TTC14: variants seen among roughly 807,000 people sequenced by gnomAD.
The protein encoded by TTC14 is tetratricopeptide repeat domain 14, also known as tetratricopeptide repeat protein 14.
TTC14 carries 63 observed loss-of-function variants against 79.9 expected under a neutral mutation model. The observed-to-expected ratio is 0.79, with a 90% CI of 0.64 to 0.97. TTC14 has a LOEUF of 0.97. TTC14 is among the 50% of genes least tolerant of loss of function. The pLI is 0.00. For missense variants in TTC14, 895 were observed against 894.0 expected (o/e 1.00, Z -0.01); for synonymous variants, 335 against 309.6 (o/e 1.08, Z -0.86).
rs1193573279 is a variant in TTC14, at chr3:180,605,027, C to T, written c.857+20C>T. The T allele has an allele frequency of 1.3e-6, 2 of 1,592,782 alleles. No individual in the cohort carries two copies. The highest frequency in any genetic ancestry group is 1.7e-6 in the Non-Finnish European group (2 of 1,170,412). On this transcript the variant is annotated intron_variant, in intron 6 of 11. Transcript: ENST00000296015. ...ACAAAGGTATAGTACATCAGTATTA[C>T]TCTTAGATGGTGAGGGGAGTGGCAG...
chr3:180,606,014 T>A, intron 7 of TTC14, 177 bp downstream of exon 7: 1 of 822,068 alleles, frequency 1.2e-6, no homozygotes, highest in Non-Finnish European at 1.9e-6. Flanking sequence ...AACAGATAAG[T>A]TTTACTCAGC....
chr3:180,606,331 A>G lies in TTC14; in HGVS notation c.1008A>G (p.Ile336Met). The change falls in exon 8 of 12, where the codon ATA becomes ATG. Residue 336 changes from isoleucine (I) to methionine (M), a missense_variant. By Grantham distance (10) the Ile-to-Met change is conservative (BLOSUM62 1). Transcript: ENST00000296015. ...AMNEYNKALEIDKQNVEALVA... is the reference protein window; with the variant it reads ...AMNEYNKALEMDKQNVEALVA... ...ATGAATACAATAAAGCTTTGGAAAT[A>G]GACAAACAAAACGTGGAAGCTTTGG... The G allele has an allele frequency of 6.2e-7, 1 of 1,614,152 alleles. No homozygotes were observed. Among genetic ancestry groups the G allele is most frequent in the Non-Finnish European group, 8.5e-7 (1 of 1,179,982 alleles).
In TTC14 at chr3:180,605,783, A is replaced by G. The variant is rs769595329; in HGVS notation, c.875A>G (p.Asp292Gly). The G allele has an allele frequency of 4.5e-6, 7 of 1,566,880 alleles. No homozygotes were observed. The South Asian group carries it at 7.2e-5, about 16-fold the overall frequency. The change falls in exon 7 of 12, where the codon GAT becomes GGT. Residue 292 changes from aspartate (D) to glycine (G), a missense_variant. Asp to Gly is a moderately conservative substitution (Grantham distance 94). Transcript: ENST00000296015. ...TTTAATAGCAAAAATTTCTCTGAAG[A>G]TGATTTTGCTTCTGCATTGAGAAAA... Reference protein sequence around the residue: ...RGLQSKNFSEDDFASALRKKQ... With the variant: ...RGLQSKNFSEGDFASALRKKQ...
At chr3:180,606,797 G>T (rs1476568859) in intron 9 of TTC14, among the ~76,000 whole-genome samples, 194 bp downstream of exon 9, 6 of 152,138 alleles carry the variant, frequency 3.9e-5, no homozygotes, top group African/African-American at 1.4e-4. Context: ...TTGGTTTAAT[G>T]ACTATACTAT....
At chr3:180,616,257 A>ATT in intron 12 of TTC14, 1 of 1,577,490 alleles carries the variant, frequency 6.3e-7, no homozygotes, top group Non-Finnish European at 8.7e-7. Flanking sequence ...AGTTAAGCAG[A>ATT]TTTTTTTTTA....
At chr3:180,604,669 C>A in intron 5 of TTC14, 62 bp downstream of exon 5, 3 of 1,520,926 alleles carry the variant, frequency 2.0e-6, no homozygotes, top group Admixed American at 2.1e-5. Context: ...TTGAGGAATA[C>A]CACATTTTTA....
At position 180,610,289 on chromosome 3, in the gene TTC14, A is replaced by C; in HGVS notation, c.2060A>C (p.Lys687Thr). 6.2e-7 allele frequency: 1 copy of C among 1,613,710 alleles called. No individual in the cohort carries two copies. The highest frequency in any genetic ancestry group is 8.5e-7 in the Non-Finnish European group (1 of 1,179,856). ...YSWKSVEKYK[K>T]YAHSGSRDFS... is the part of the protein sequence containing the mutation. ...TGGAAGTCAGTTGAGAAATACAAAA[A>C]ATACGCTCACTCTGGATCACGTGAT... The change falls in exon 12 of 12, where the codon AAA (lysine) becomes ACA (threonine). Residue 687 changes from lysine (K) to threonine (T), a missense_variant. By Grantham distance (78) the Lys-to-Thr change is moderately conservative. Transcript: ENST00000296015.
downstream of TTC14, among the ~76,000 whole-genome samples, chr3:180,613,175 C>G (rs917951124): frequency 6.6e-6 from 1 of 152,166 alleles, no homozygotes; most frequent in African/African-American, 2.4e-5. Context: ...AAACCAATTT[C>G]TAAGGAAGTT....
At chr3:180,603,374 A>C in intron 3 of TTC14, 51 bp downstream of exon 3, 61 of 1,458,638 alleles carry the variant, frequency 4.2e-5, no homozygotes, top group Non-Finnish European at 5.5e-5. Context: ...AACGCATCTC[A>C]ATGCAAGAAC....
intron 1 of TTC14, 69 bp downstream of exon 1, chr3:180,602,491 C>T (rs1398508210): frequency 6.7e-7 from 1 of 1,498,270 alleles, no homozygotes; most frequent in Non-Finnish European, 8.9e-7. Flanking sequence ...TACCGCAGCC[C>T]CGGGTTTGCG....
At chr3:180,605,425 G>A (rs1044878961) in intron 6 of TTC14, 5 of 212,464 alleles carry the variant, frequency 2.4e-5, no homozygotes, top group South Asian at 7.2e-5. Context: ...ACAGGTGCCC[G>A]CCACCACGCC....
Position 180,616,954 on chromosome 3 carries a change from T to C in TTC14, c.1775-426T>C, listed in dbSNP as rs79386936. The C allele has an allele frequency of 1.8e-3, 2,491 of 1,412,530 alleles. 53 individuals carry two copies. In the African/African-American group the frequency reaches 0.033, roughly 19 times the overall value. The allele number at this position is 1,412,530 out of a possible 1,614,324, so 87.5% of individuals were successfully genotyped here. A position where few individuals can be genotyped will look rare whatever the true frequency, so the allele number is the denominator to read the frequency against. ...GCCAAATGTTCTATAACATCTAATGTATTTTCCATGCTCTGTAGAAAAAAT... is the reference window on the plus strand; with the variant it reads ...GCCAAATGTTCTATAACATCTAATGCATTTTCCATGCTCTGTAGAAAAAAT... On this transcript the variant is annotated intron_variant, in intron 12 of 12. Coordinates refer to the TTC14 transcript ENST00000382584.
intron 3 of TTC14, chr3:180,603,941 AATTTT>A (rs1174462150): frequency 5.4e-6 from 2 of 369,942 alleles, no homozygotes; most frequent in African/African-American, 2.1e-5. Flanking sequence ...CTTTTAGACA[AATTTT>A]AGTTTGTTTT....
At position 180,604,929 on chromosome 3, in the gene TTC14, C is replaced by T. The variant is rs756345469; in HGVS notation, c.779C>T (p.Pro260Leu). The T allele has an allele frequency of 1.2e-6, 2 of 1,613,790 alleles. No individual in the cohort carries two copies. Among genetic ancestry groups the T allele is most frequent in the South Asian group, 2.2e-5 (2 of 91,050 alleles). ...CAGAGTTCCTTGGGATTTGTTAATC[C>T]AGGAGTAGTTGAATTCCTTCTAGAA... ...VMQSSLGFVN[P>L]GVVEFLLEKL... is the part of the protein sequence containing the mutation. The change falls in exon 6 of 12, where the codon CCA becomes CTA. Residue 260 changes from proline to leucine, a missense_variant. Physicochemically the swap from Pro to Leu is moderately conservative, Grantham distance 98. Coordinates refer to ENST00000296015, the MANE Select transcript of TTC14 (RefSeq NM_133462.4).
In TTC14 at chr3:180,604,928, C is replaced by T; in HGVS notation, c.778C>T (p.Pro260Ser). ...VMQSSLGFVN[P>S]GVVEFLLEKL... is the part of the protein sequence containing the mutation. ...GCAGAGTTCCTTGGGATTTGTTAATCCAGGAGTAGTTGAATTCCTTCTAGA... is the reference window on the plus strand; with the variant it reads ...GCAGAGTTCCTTGGGATTTGTTAATTCAGGAGTAGTTGAATTCCTTCTAGA... Residue 260 changes from proline (P) to serine (S), a missense_variant, in exon 6 of 12, where the codon CCA (proline) becomes TCA (serine). Coordinates refer to ENST00000296015, the MANE Select transcript of TTC14 (RefSeq NM_133462.4). 6.2e-7 allele frequency: 1 copy of T among 1,613,848 alleles called. No homozygotes were observed. Among genetic ancestry groups the T allele is most frequent in the Non-Finnish European group, 8.5e-7 (1 of 1,179,922 alleles).
intron 12 of TTC14, chr3:180,616,703 T>C: frequency 6.3e-7 from 1 of 1,582,962 alleles, no homozygotes; most frequent in South Asian, 1.1e-5. Context: ...ACACTGTTGG[T>C]AAATAATAGT....
intron 11 of TTC14, 135 bp downstream of exon 11, chr3:180,608,945 C>T (rs1716842037): frequency 1.6e-6 from 2 of 1,223,796 alleles, no homozygotes; most frequent in Non-Finnish European, 2.1e-6. Flanking sequence ...GAATCTTTAG[C>T]AAATATGTGT....
downstream of TTC14, among the ~76,000 whole-genome samples, chr3:180,615,978 A>G (rs2108403692): frequency 6.6e-6 from 1 of 152,326 alleles, no homozygotes; most frequent in East Asian, 1.9e-4. Flanking sequence ...TCACCCCCAA[A>G]TGCTAGATGT....
intron 5 of TTC14, 70 bp from the exon 6 acceptor site, chr3:180,604,782 A>G (rs749056878): frequency 3.3e-6 from 5 of 1,494,212 alleles, no homozygotes; most frequent in African/African-American, 1.4e-5. Flanking sequence ...CTCAAATGAT[A>G]TTATTTCTTT....
Sources: allele counts gnomAD v4.1 joint callset (sites outside exome capture counted in the v4.1 genomes callset), GRCh38; gene constraint gnomAD v4.1.1; transcripts MANE v1.5; gene names NCBI Gene and HGNC (gene_info 2026-07-23, HGNC 2026-07-21).